The following FHIT variants were observed in gnomAD, a reference collection of about 807,000 sequenced individuals.
The protein encoded by FHIT is bis(5'-adenosyl)-triphosphatase.
FHIT carries 19 observed loss-of-function variants against 17.9 expected under a neutral mutation model. That is an observed-to-expected ratio of 1.06 (90% CI 0.74 to 1.56). The LOEUF is 1.56. Among genes scored for constraint, FHIT ranks in the 40% most tolerant of loss-of-function variants. The pLI is 0.00. For missense variants in FHIT, 248 were observed against 189.2 expected, an observed-to-expected ratio of 1.31 and a Z score of -1.82; for synonymous variants, 81 against 69.7, an observed-to-expected ratio of 1.16 and a Z score of -0.81.
chr3:60,614,354 C>T (rs13068278), intron 4 of FHIT, among the ~76,000 whole-genome samples: 57,769 of 151,960 alleles, frequency 0.38, 11,390 homozygotes, highest in Non-Finnish European at 0.42. Context: ...CTCACACCTA[C>T]AATCCCAGCA....
intron 4 of FHIT, among the ~76,000 whole-genome samples, chr3:60,562,635 C>A (rs1184541293): frequency 6.6e-6 from 1 of 152,126 alleles, no homozygotes; most frequent in Non-Finnish European, 1.5e-5. Context: ...CTGGGGAATA[C>A]CAGCATCAGC....
chr3:59,872,777 C>T (rs1022393316), intron 8 of FHIT, among the ~76,000 whole-genome samples: 1 of 152,140 alleles, frequency 6.6e-6, no homozygotes, highest in Admixed American at 6.5e-5. Context: ...AGCTTAGATG[C>T]AGAAGTGAAT....
At chr3:60,111,670 T>A (rs1704677093) in intron 5 of FHIT, among the ~76,000 whole-genome samples, 1 of 152,216 alleles carries the variant, frequency 6.6e-6, no homozygotes, top group African/African-American at 2.4e-5. Flanking sequence ...AGGAACAGAC[T>A]ATTGATTTAC....
chr3:60,617,242 G>C (rs1460888165), intron 4 of FHIT: 1 of 166,278 alleles, frequency 6.0e-6, no homozygotes, highest in Non-Finnish European at 1.4e-5. Context: ...TATGATATCA[G>C]ATCTTGATAC....
At chr3:60,834,677 AAG>A (rs1346820427) in intron 3 of FHIT, among the ~76,000 whole-genome samples, 1 of 151,716 alleles carries the variant, frequency 6.6e-6, no homozygotes, top group Non-Finnish European at 1.5e-5. Context: ...AACACGGCAA[AAG>A]CCAGTCTCAA....
At chr3:60,274,898 T>C (rs1283673619) in intron 5 of FHIT, among the ~76,000 whole-genome samples, 1 of 152,180 alleles carries the variant, frequency 6.6e-6, no homozygotes, top group African/African-American at 2.4e-5. Flanking sequence ...TCTATAACTT[T>C]GCTTTAGGGA....
intron 5 of FHIT, among the ~76,000 whole-genome samples, chr3:60,300,988 A>G (rs1037344514): frequency 6.6e-6 from 1 of 151,954 alleles, no homozygotes; most frequent in Non-Finnish European, 1.5e-5. Flanking sequence ...AAGCAGCTAG[A>G]TCATCTTTCA....
chr3:60,840,192 G>A lies in FHIT; in HGVS notation c.-110-18181C>T, dbSNP rs147478971. Among the ~76,000 whole-genome samples the A allele has an allele frequency of 1.2e-4, 18 of 152,270 alleles. No individual in the cohort carries two copies. In the East Asian group the frequency reaches 3.3e-3, roughly 28 times the overall value. ...TGTGAACTAGAATACAATAGACAGC[G>A]AGGAAGGAGCCAAAAATCCTCACCC... On this transcript the variant is annotated intron_variant, in intron 3 of 9. Transcript: ENST00000492590.
chr3:60,255,427 G>A (rs1213965567), intron 5 of FHIT, among the ~76,000 whole-genome samples: 4 of 152,088 alleles, frequency 2.6e-5, no homozygotes, highest in African/African-American at 7.2e-5. Flanking sequence ...TACTGAAAAC[G>A]AGTAAAGTAG....
chr3:60,223,517 C>A (rs1704055264), intron 5 of FHIT, among the ~76,000 whole-genome samples: 2 of 152,116 alleles, frequency 1.3e-5, no homozygotes, highest in Non-Finnish European at 2.9e-5. Flanking sequence ...AATCTAAAAA[C>A]TGCACACACC....
chr3:60,126,275 C>G (rs1335046753), intron 5 of FHIT, among the ~76,000 whole-genome samples: 2 of 152,188 alleles, frequency 1.3e-5, no homozygotes, highest in Non-Finnish European at 2.9e-5. Flanking sequence ...CCCCAGGTTC[C>G]TGTACTAACC....
intron 5 of FHIT, among the ~76,000 whole-genome samples, chr3:60,248,501 C>A (rs780061806): frequency 6.6e-6 from 1 of 152,068 alleles, no homozygotes; most frequent in Non-Finnish European, 1.5e-5. Flanking sequence ...GGAGAGAAGG[C>A]AGGTAAAGGA....
At chr3:61,161,079 T>A (rs1576126958) in intron 2 of FHIT, among the ~76,000 whole-genome samples, 2 of 152,004 alleles carry the variant, frequency 1.3e-5, no homozygotes, top group East Asian at 3.9e-4. Context: ...AGCCTGCTTT[T>A]GCTGGGTTGG....
At chr3:61,088,243 G>A (rs530003288) in intron 2 of FHIT, among the ~76,000 whole-genome samples, 10 of 152,212 alleles carry the variant, frequency 6.6e-5, no homozygotes, top group African/African-American at 2.4e-4. Context: ...GTCATCCCAA[G>A]AAATATTACT....
At chr3:61,189,718 A>G (rs1250427879) in intron 2 of FHIT, among the ~76,000 whole-genome samples, 1 of 152,136 alleles carries the variant, frequency 6.6e-6, no homozygotes, top group African/African-American at 2.4e-5. Flanking sequence ...ACAGCATGGT[A>G]CTGGTACCAA....
chr3:60,660,262 C>T (rs2107822556), intron 4 of FHIT, among the ~76,000 whole-genome samples: 1 of 152,262 alleles, frequency 6.6e-6, no homozygotes, highest in East Asian at 1.9e-4. Context: ...GCTCTGTCTG[C>T]ACCTTTGTAA....
At position 61,201,962 on chromosome 3, in the gene FHIT, ATGTG is replaced by A. The variant is rs973023508; in HGVS notation, c.-212-1301_-212-1298del. On this transcript the variant is annotated intron_variant, in intron 1 of 9. Coordinates refer to ENST00000492590, the MANE Select transcript of FHIT (RefSeq NM_002012.4). ...TATGTGTGTGTATGTGTGTATATAT[ATGTG>A]TGTGTATGTATATACATATGTGCAT... Among the ~76,000 whole-genome samples the A allele has an allele frequency of 6.6e-5, 10 of 150,962 alleles. No homozygotes were observed. In the East Asian group the frequency reaches 7.7e-4, roughly 12 times the overall value.
intron 5 of FHIT, among the ~76,000 whole-genome samples, chr3:60,300,430 C>T (rs1708409367): frequency 6.6e-6 from 1 of 152,054 alleles, no homozygotes; most frequent in Non-Finnish European, 1.5e-5. Context: ...TCAAAAGACT[C>T]AAGTTCTAAT....
intron 4 of FHIT, among the ~76,000 whole-genome samples, chr3:60,681,803 C>G (rs1261718900): frequency 6.6e-6 from 1 of 152,074 alleles, no homozygotes; most frequent in Non-Finnish European, 1.5e-5. Context: ...GGTAAAGAAG[C>G]TGCAGAAGAA....
Sources: allele counts gnomAD v4.1 joint callset (sites outside exome capture counted in the v4.1 genomes callset), GRCh38; gene constraint gnomAD v4.1.1; transcripts MANE v1.5; gene names NCBI Gene and HGNC (gene_info 2026-07-23, HGNC 2026-07-21).